Variants in PCLO observed in about 807,000 individuals in gnomAD.
PCLO encodes the protein piccolo presynaptic cytomatrix protein.
Under a neutral mutation model 427.5 loss-of-function variants are expected in PCLO, and 82 were observed. The ratio of observed to expected loss-of-function variants is 0.19; its 90% CI spans 0.16 to 0.23. The LOEUF (loss-of-function observed/expected upper bound fraction) is 0.23. Ranked by LOEUF, PCLO falls within the 10% of genes least tolerant of loss-of-function variation. The pLI is 1.00. For missense variants in PCLO, 6,239 were observed against 6,115.9 expected, an observed-to-expected ratio of 1.02 and a Z score of -0.67; for synonymous variants, 2,357 against 2,155.4, an observed-to-expected ratio of 1.09 and a Z score of -2.59.
rs1461665433 is a variant in PCLO at position 83,134,778 on chromosome 7, T to C, written c.2772A>G (p.Gln924=). The change falls in exon 3 of 25, where the codon CAA becomes CAG. Residue 924 remains glutamine, a synonymous_variant. Transcript: ENST00000333891. ...DAPKSQPTTP[Q]ETVTGKLFGF... Reference sequence around the variant, plus strand: ...CAAAGAGTTTCCCAGTCACGGTCTCTTGAGGAGTTGTAGGCTGTGATTTGG... The same window carrying C: ...CAAAGAGTTTCCCAGTCACGGTCTCCTGAGGAGTTGTAGGCTGTGATTTGG... 9.3e-6 allele frequency: 15 copies of C among 1,613,956 alleles called. No homozygotes were observed. Among genetic ancestry groups the C allele is most frequent in the Non-Finnish European group, 1.2e-5 (14 of 1,179,894 alleles).
intron 3 of PCLO, among the ~76,000 whole-genome samples, chr7:83,127,619 G>A (rs1200980427): frequency 6.6e-6 from 1 of 152,030 alleles, no homozygotes; most frequent in Admixed American, 6.6e-5. Context: ...AGAAAATACT[G>A]GACATGGTGA....
rs544975390 is a variant in PCLO, at chr7:82,925,237, T to A, written c.11113-8364A>T. Among the ~76,000 whole-genome samples the A allele has an allele frequency of 5.9e-5, 9 of 152,248 alleles. No individual in the cohort carries two copies. In the South Asian group the frequency reaches 1.9e-3, roughly 32 times the overall value. On this transcript the variant is annotated intron_variant, in intron 6 of 24. Transcript: ENST00000333891. Reference sequence around the variant, plus strand: ...GCCTCTTAAGCATTGGGAAGGGAAGTGAAATATGCAGGGTATTTTTTTTTC... The same window carrying A: ...GCCTCTTAAGCATTGGGAAGGGAAGAGAAATATGCAGGGTATTTTTTTTTC...
At chr7:82,800,008 T>C (rs57289366) in intron 22 of PCLO, among the ~76,000 whole-genome samples, 4,408 of 152,244 alleles carry the variant, frequency 0.029, 206 homozygotes, top group African/African-American at 0.1. Context: ...TTCCAGGAGT[T>C]TGGGCAGCAG....
chr7:82,822,589 T>C lies in PCLO; in HGVS notation c.14697A>G (p.Gln4899=), dbSNP rs367618501. The stretch of plus-strand genomic sequence containing the variant: ...GGGTCTGAGTGACGCTGGTTTTGCT[T>C]TGACTGCGAGATGGTCCATGAGAAC... ...HLRSHGPSRS[Q]SKTSVTQTHL... Residue 4899 remains glutamine, a synonymous_variant, in exon 20 of 25, where the codon CAA becomes CAG. Transcript: ENST00000333891. 16 of 1,613,734 alleles carry C rather than the reference T, an allele frequency of 9.9e-6. No individual in the cohort carries two copies. Among genetic ancestry groups the C allele is most frequent in the Non-Finnish European group, 1.4e-5 (16 of 1,179,852 alleles).
intron 3 of PCLO, among the ~76,000 whole-genome samples, chr7:83,086,608 T>A (rs1240503841): frequency 2.0e-5 from 3 of 152,108 alleles, no homozygotes; most frequent in African/African-American, 7.3e-5. Context: ...GAGTACGGCA[T>A]TAATCTGGCC....
chr7:83,042,733 G>A (rs1789002387), intron 3 of PCLO, among the ~76,000 whole-genome samples: 1 of 152,030 alleles, frequency 6.6e-6, no homozygotes, highest in Non-Finnish European at 1.5e-5. Flanking sequence ...GTGGTGGTGG[G>A]TGCCTGTGAT....
At position 83,052,516 on chromosome 7, in the gene PCLO, A is replaced by G. The variant is rs180882985; in HGVS notation, c.3300+81734T>C. Among the ~76,000 whole-genome samples, 5 of 152,154 alleles carry G rather than the reference A, an allele frequency of 3.3e-5. No homozygotes were observed. In the East Asian group the frequency reaches 9.7e-4, roughly 29 times the overall value. ...TAGTCCTATTAATTGGATAATATTG[A>G]TATTTATATGAGATAATGCTTATCA... On this transcript the variant is annotated intron_variant, in intron 3 of 24. Transcript: ENST00000333891.
At chr7:82,878,383 T>C (rs1330712450) in intron 10 of PCLO, among the ~76,000 whole-genome samples, 1 of 152,202 alleles carries the variant, frequency 6.6e-6, no homozygotes, top group Non-Finnish European at 1.5e-5. Flanking sequence ...GACAAAATTT[T>C]ATTAAACTAT....
intron 3 of PCLO, among the ~76,000 whole-genome samples, chr7:83,115,590 C>T (rs1288723364): frequency 6.6e-6 from 1 of 151,910 alleles, no homozygotes; most frequent in African/African-American, 2.4e-5. Flanking sequence ...CAAAATGATG[C>T]CTTTTCATAC....
intron 3 of PCLO, among the ~76,000 whole-genome samples, chr7:83,002,669 T>G (rs1470439459): frequency 4.6e-5 from 7 of 151,902 alleles, no homozygotes; most frequent in Non-Finnish European, 1.0e-4. Flanking sequence ...ATTAAACAAA[T>G]TATAGTTCGA....
At position 82,955,808 on chromosome 7, in the gene PCLO, C is replaced by A. The variant is rs2115568748; in HGVS notation, c.5145G>T (p.Glu1715Asp). Residue 1715 changes from glutamate to aspartate, a missense_variant, in exon 5 of 25, where the codon GAG (glutamate) becomes GAT (aspartate). Glu to Asp is a conservative substitution (Grantham distance 45). Transcript: ENST00000333891. The part of the protein sequence containing the change: ...TDSPEDRSRG[E>D]GSSSLHASSF... ...TGGAAGCATGCAGACTCGAAGATCC[C>A]TCTCCCCTTGACCTATCTTCAGGTG... is the stretch of plus-strand genomic sequence containing the variant. 6.2e-7 allele frequency: 1 copy of A among 1,613,948 alleles called. No individual in the cohort carries two copies. Among genetic ancestry groups the A allele is most frequent in the Non-Finnish European group, 8.5e-7 (1 of 1,179,866 alleles).
intron 22 of PCLO, among the ~76,000 whole-genome samples, chr7:82,772,863 A>C (rs1790675163): frequency 6.6e-6 from 1 of 152,202 alleles, no homozygotes. Context: ...TATAGGAGAC[A>C]ACAACAACAA....
chr7:82,967,194 T>C (rs1795796415), intron 3 of PCLO, among the ~76,000 whole-genome samples: 1 of 147,132 alleles, frequency 6.8e-6, no homozygotes, highest in Non-Finnish European at 1.5e-5. Context: ...TCTTTCTTCT[T>C]TTCTTTTTTT....
Position 83,125,105 on chromosome 7 carries a change from A to G in PCLO, c.3300+9145T>C, listed in dbSNP as rs560613002. On this transcript the variant is annotated intron_variant, in intron 3 of 24. Coordinates refer to ENST00000333891, the MANE Select transcript of PCLO (RefSeq NM_033026.6). ...CAGTGGCGTGATCTCGGCTCGCTAC[A>G]ACCTCCACCTCCCAGCCGCCTGCCT... Among the ~76,000 whole-genome samples the G allele has an allele frequency of 6.9e-4, 105 of 151,982 alleles. 2 individuals carry two copies. Among genetic ancestry groups the G allele is most frequent in the Middle Eastern group, 3.4e-3 (1 of 294 alleles).
chr7:83,065,683 G>A (rs1789652716), intron 3 of PCLO, among the ~76,000 whole-genome samples: 1 of 151,928 alleles, frequency 6.6e-6, no homozygotes, highest in South Asian at 2.1e-4. Flanking sequence ...AATTTGGCCA[G>A]AAATAAATAA....
rs370346756 is a variant in PCLO at position 83,162,375 on chromosome 7, G to A, written c.218C>T (p.Pro73Leu). 3.1e-6 allele frequency: 5 copies of A among 1,599,548 alleles called. No homozygotes were observed. Among genetic ancestry groups the A allele is most frequent in the Non-Finnish European group, 2.6e-6 (3 of 1,173,120 alleles). ...AQGLPKGSVP[P>L]AAAESPSMHR... ...CATGGAAGGCGACTCCGCAGCGGCC[G>A]GGGGGACGCTTCCCTTGGGCAGCCC... Residue 73 changes from proline (P) to leucine (L), a missense_variant, in exon 1 of 25, where the codon CCG (proline) becomes CTG (leucine). Coordinates refer to ENST00000333891, the MANE Select transcript of PCLO (RefSeq NM_033026.6).
rs111831697 is a variant in PCLO at position 83,085,520 on chromosome 7, C to T, written c.3300+48730G>A. 5.0e-3 allele frequency among the ~76,000 whole-genome samples: 757 copies of T among 152,254 alleles called. 2 individuals carry two copies. Among genetic ancestry groups the T allele is most frequent in the African/African-American group, 0.017 (709 of 41,552 alleles). On this transcript the variant is annotated intron_variant, in intron 3 of 24. Transcript: ENST00000333891. Reference sequence around the variant, plus strand: ...CACATGCCTCAGAATGAGCTAAGTGCTGCAGCATGCTCAGTCTCCCTTATT... The same window carrying T: ...CACATGCCTCAGAATGAGCTAAGTGTTGCAGCATGCTCAGTCTCCCTTATT...
intron 3 of PCLO, among the ~76,000 whole-genome samples, chr7:83,001,663 T>C (rs1284363610): frequency 2.0e-5 from 3 of 152,060 alleles, no homozygotes; most frequent in African/African-American, 4.8e-5. Context: ...CATGAAGCTA[T>C]ACTCAGCTGG....
intron 3 of PCLO, among the ~76,000 whole-genome samples, chr7:83,103,608 T>C (rs1790786669): frequency 6.6e-6 from 1 of 152,018 alleles, no homozygotes; most frequent in Non-Finnish European, 1.5e-5. Flanking sequence ...CAAAAGTCAA[T>C]TTCTAACTTT....
Sources: allele counts gnomAD v4.1 joint callset (sites outside exome capture counted in the v4.1 genomes callset), GRCh38; gene constraint gnomAD v4.1.1; transcripts MANE v1.5; gene names NCBI Gene and HGNC (gene_info 2026-07-23, HGNC 2026-07-21).